Variants in DPP6 observed in about 807,000 individuals in gnomAD.
The protein encoded by DPP6 is A-type potassium channel modulatory protein DPP6.
Under a neutral mutation model 122.6 loss-of-function variants are expected in DPP6, and 69 were observed. The ratio of observed to expected loss-of-function variants is 0.56; its 90% CI spans 0.46 to 0.69. The LOEUF is 0.69. DPP6 is among the 30% of genes least tolerant of loss of function. DPP6 has a pLI of 0.00. For missense variants in DPP6, 928 were observed against 1,116.9 expected, an observed-to-expected ratio of 0.83 and a Z score of 2.41; for synonymous variants, 418 against 433.1, an observed-to-expected ratio of 0.97 and a Z score of 0.43.
intron 8 of DPP6, among the ~76,000 whole-genome samples, chr7:154,746,557 A>G (rs988771764): frequency 6.6e-6 from 1 of 152,144 alleles, no homozygotes; most frequent in Admixed American, 6.5e-5. Context: ...ATCTGGGATT[A>G]TTTTGTTCAT....
chr7:154,090,946 C>T (rs1369489564), intron 1 of DPP6, among the ~76,000 whole-genome samples: 1 of 149,012 alleles, frequency 6.7e-6, no homozygotes, highest in Admixed American at 6.7e-5. Flanking sequence ...CAGTGAAACC[C>T]CGTCTCTACT....
intron 1 of DPP6, among the ~76,000 whole-genome samples, chr7:154,404,624 C>T (rs959755716): frequency 3.9e-5 from 6 of 152,130 alleles, no homozygotes; most frequent in African/African-American, 1.4e-4. Context: ...TCAACTTAAC[C>T]AGTAATGATG....
intron 1 of DPP6, among the ~76,000 whole-genome samples, chr7:154,322,118 G>T (rs957551968): frequency 2.5e-5 from 3 of 117,880 alleles, no homozygotes; most frequent in Admixed American, 1.0e-4. Context: ...CCTCAGCCCA[G>T]CCTGGAAAGG....
intron 16 of DPP6, among the ~76,000 whole-genome samples, chr7:154,827,780 A>C: frequency 8.4e-6 from 1 of 119,654 alleles, no homozygotes; most frequent in African/African-American, 3.2e-5. Context: ...GTCTCCCAGA[A>C]AGGATGTCCT....
intron 1 of DPP6, among the ~76,000 whole-genome samples, chr7:154,113,398 T>C (rs968437583): frequency 3.4e-5 from 1 of 29,816 alleles, no homozygotes; most frequent in East Asian, 2.9e-3. Flanking sequence ...TTCCTACATA[T>C]ATATATATAT....
chr7:154,472,737 A>G (rs562591842), intron 2 of DPP6, among the ~76,000 whole-genome samples: 1 of 152,358 alleles, frequency 6.6e-6, no homozygotes. Context: ...TGAGCCATCT[A>G]GGTACAGAGA....
At chr7:154,636,599 G>A (rs1444838084) in intron 5 of DPP6, among the ~76,000 whole-genome samples, 1 of 152,218 alleles carries the variant, frequency 6.6e-6, no homozygotes, top group Non-Finnish European at 1.5e-5. Context: ...TCTGGTTCAG[G>A]AGTCTCAAGA....
At chr7:153,930,121 G>A (rs1385269046) in intron 1 of DPP6, among the ~76,000 whole-genome samples, 2 of 152,218 alleles carry the variant, frequency 1.3e-5, no homozygotes, top group Non-Finnish European at 2.9e-5. Context: ...TTAATGGAAT[G>A]AAACCACTGC....
At chr7:154,710,576 C>T (rs1019328701) in intron 7 of DPP6, among the ~76,000 whole-genome samples, 1 of 152,160 alleles carries the variant, frequency 6.6e-6, no homozygotes, top group Non-Finnish European at 1.5e-5. Context: ...TGCAGAGAAA[C>T]GAGCTCACCA....
At position 154,235,185 on chromosome 7, in the gene DPP6, T is replaced by C. The variant is rs116327993; in HGVS notation, c.243+182122T>C. On this transcript the variant is annotated intron_variant, in intron 1 of 25. Coordinates refer to ENST00000377770, the MANE Select transcript of DPP6 (RefSeq NM_130797.4). ...GCCCCTTAGCAGTCACTCTGCATCC[T>C]CTGTCCCCAACCCCTGGCACCCAGG... is the stretch of plus-strand genomic sequence containing the variant. Among the ~76,000 whole-genome samples the C allele has an allele frequency of 7.4e-3, 1,133 of 152,324 alleles. 16 individuals are homozygous for C. Among genetic ancestry groups the C allele is most frequent in the African/African-American group, 0.026 (1,070 of 41,568 alleles).
intron 1 of DPP6, among the ~76,000 whole-genome samples, chr7:154,084,740 A>G (rs1585340997): frequency 6.8e-6 from 1 of 146,384 alleles, no homozygotes; most frequent in Admixed American, 6.8e-5. Context: ...CTGTAATCCC[A>G]GCACTTTGGG....
chr7:153,748,151 A>C, the DPP6 span, among the ~76,000 whole-genome samples: 18 of 152,168 alleles, frequency 1.2e-4, no homozygotes, highest in South Asian at 4.1e-4. Flanking sequence ...CGCATCCCTC[A>C]GCTGTAGCTC....
intron 7 of DPP6, among the ~76,000 whole-genome samples, chr7:154,687,927 G>T (rs1013318832): frequency 1.2e-4 from 18 of 152,194 alleles, no homozygotes; most frequent in Non-Finnish European, 2.5e-4. Context: ...TTGAGAAAGT[G>T]TTCCTTTCCT....
At chr7:154,190,771 C>A (rs1345334786) in intron 1 of DPP6, among the ~76,000 whole-genome samples, 3 of 151,990 alleles carry the variant, frequency 2.0e-5, no homozygotes, top group Non-Finnish European at 4.4e-5. Context: ...GGTATTCTGG[C>A]AAGAGCTGTT....
intron 25 of DPP6, chr7:154,891,173 G>A (rs965354878): frequency 3.3e-5 from 5 of 152,246 alleles, no homozygotes; most frequent in Non-Finnish European, 4.4e-5. Flanking sequence ...TGAGGCTGCA[G>A]TGAGCTATGG....
At chr7:154,098,449 A>G (rs1263101341) in intron 1 of DPP6, among the ~76,000 whole-genome samples, 1 of 152,208 alleles carries the variant, frequency 6.6e-6, no homozygotes, top group African/African-American at 2.4e-5. Context: ...CATCTTTTTT[A>G]AAATCACAAA....
chr7:153,912,747 C>G (rs917507678), intron 1 of DPP6, among the ~76,000 whole-genome samples: 6 of 152,082 alleles, frequency 3.9e-5, no homozygotes, highest in Admixed American at 2.6e-4. Flanking sequence ...TGAAAGTTTT[C>G]AAATCATACA....
rs1356468167 is a variant in DPP6 at position 154,073,237 on chromosome 7, G to C, written c.243+20174G>C. ...GACTCTGGTCTGTGACGCTGGGATT[G>C]TGGCTGCTTTCAGGCACCGTCATGG... On this transcript the variant is annotated intron_variant, in intron 1 of 25. Coordinates refer to ENST00000377770, the MANE Select transcript of DPP6 (RefSeq NM_130797.4). 2.6e-5 allele frequency among the ~76,000 whole-genome samples: 4 copies of C among 152,252 alleles called. No individual in the cohort carries two copies. In the East Asian group the frequency reaches 7.7e-4, roughly 29 times the overall value.
intron 1 of DPP6, among the ~76,000 whole-genome samples, chr7:153,954,463 C>T (rs1188344963): frequency 6.6e-6 from 1 of 152,108 alleles, no homozygotes; most frequent in African/African-American, 2.4e-5. Flanking sequence ...TTTTTGGAGA[C>T]GGTTTACCAG....
Sources: allele counts gnomAD v4.1 joint callset (sites outside exome capture counted in the v4.1 genomes callset), GRCh38; gene constraint gnomAD v4.1.1; transcripts MANE v1.5; gene names NCBI Gene and HGNC (gene_info 2026-07-23, HGNC 2026-07-21).